Variants in SLC22A23 observed in about 807,000 individuals in gnomAD.
The protein encoded by SLC22A23 is ion transporter protein.
Under a neutral mutation model 61.0 loss-of-function variants are expected in SLC22A23, and 26 were observed. That is an observed-to-expected ratio of 0.43 (90% CI 0.31 to 0.59). SLC22A23 has a LOEUF of 0.59. Among genes scored for constraint, SLC22A23 ranks in the 20% least tolerant of loss-of-function variants. SLC22A23 has a pLI of 0.11. For synonymous variants in SLC22A23, 430 were observed against 413.9 expected, an observed-to-expected ratio of 1.04 and a Z score of -0.47; for missense variants, 796 against 934.7, an observed-to-expected ratio of 0.85 and a Z score of 1.94.
In SLC22A23 at chr6:3,296,874, G is replaced by A. The variant is rs114327754; in HGVS notation, c.1210+1217C>T. 3.2e-3 allele frequency among the ~76,000 whole-genome samples: 482 copies of A among 152,304 alleles called. 7 individuals carry two copies. The highest frequency in any genetic ancestry group is 0.011 in the African/African-American group (460 of 41,558). ...TTCTGAACTGGGAGTCTAACGAGAGGCCTGTCCAGGTACCAAGGGCTTCTC... is the reference window on the plus strand; with the variant it reads ...TTCTGAACTGGGAGTCTAACGAGAGACCTGTCCAGGTACCAAGGGCTTCTC... On this transcript the variant is annotated intron_variant, in intron 5 of 9. Coordinates refer to ENST00000406686, the MANE Select transcript of SLC22A23 (RefSeq NM_015482.2).
chr6:3,314,777 T>A (rs1174810976), intron 4 of SLC22A23, among the ~76,000 whole-genome samples: 6 of 152,154 alleles, frequency 3.9e-5, no homozygotes, highest in Non-Finnish European at 7.4e-5. Flanking sequence ...TTCTAAGGGT[T>A]TCTGCACGGC....
chr6:3,294,706 G>A (rs74687902), intron 5 of SLC22A23, among the ~76,000 whole-genome samples: 2,839 of 152,256 alleles, frequency 0.019, 60 homozygotes, highest in African/African-American at 0.047. Context: ...AGTTGGGCAC[G>A]TTATGTGATA....
chr6:3,346,565 C>T (rs116287608), intron 3 of SLC22A23, among the ~76,000 whole-genome samples: 5,139 of 152,298 alleles, frequency 0.034, 312 homozygotes, highest in African/African-American at 0.12. Flanking sequence ...AGGGCATTCC[C>T]AAGCAGGCAA....
At chr6:3,282,571 G>C (rs1243211732) in intron 9 of SLC22A23, among the ~76,000 whole-genome samples, 2 of 152,234 alleles carry the variant, frequency 1.3e-5, no homozygotes, top group Admixed American at 6.5e-5. Context: ...AGTCTGCCTT[G>C]GACTGGAATA....
At chr6:3,449,519 G>C (rs1428946240) in intron 1 of SLC22A23, among the ~76,000 whole-genome samples, 1 of 152,092 alleles carries the variant, frequency 6.6e-6, no homozygotes, top group African/African-American at 2.4e-5. Flanking sequence ...GAAATGAAGA[G>C]ACTGTTCAAA....
intron 1 of SLC22A23, among the ~76,000 whole-genome samples, chr6:3,421,122 GA>G (rs1030031984): frequency 2.7e-5 from 4 of 147,422 alleles, no homozygotes; most frequent in Admixed American, 1.3e-4. Context: ...AAAAGAAAAG[GA>G]AAAAAAAAGA....
At position 3,285,090 on chromosome 6, in the gene SLC22A23, T is replaced by A; in HGVS notation, c.1568A>T (p.His523Leu). ...LLNLIGKYSQ[H>L]PDSGMSDSVK... ...CGCTTGGGACTCACCTGAGTCTGGG[T>A]GCTGGCTGTACTTTCCAATCACTGG... is the stretch of plus-strand genomic sequence containing the variant. Residue 523 changes from histidine (H) to leucine (L), a missense_variant, in exon 8 of 10, where the codon CAC (histidine) becomes CTC (leucine). His to Leu is a moderately conservative substitution (Grantham distance 99). Transcript: ENST00000406686. 6.2e-7 allele frequency: 1 copy of A among 1,613,356 alleles called. No individual in the cohort carries two copies. The highest frequency in any genetic ancestry group is 8.5e-7 in the Non-Finnish European group (1 of 1,179,654).
chr6:3,332,564 C>A (rs908238870), intron 3 of SLC22A23, among the ~76,000 whole-genome samples: 1 of 151,754 alleles, frequency 6.6e-6, no homozygotes, highest in Non-Finnish European at 1.5e-5. Flanking sequence ...ATATGTTGCC[C>A]TTTTGGTTCT....
intron 1 of SLC22A23, among the ~76,000 whole-genome samples, chr6:3,430,437 T>C (rs1770783767): frequency 6.6e-6 from 1 of 152,016 alleles, no homozygotes; most frequent in African/African-American, 2.4e-5. Flanking sequence ...CTTGTGTAAA[T>C]ACGTTTTCTT....
At chr6:3,313,304 C>T (rs542222924) in intron 4 of SLC22A23, 2 of 152,306 alleles carry the variant, frequency 1.3e-5, no homozygotes, top group South Asian at 4.1e-4. Flanking sequence ...GTCAGTATTA[C>T]CTCATCTATC....
At chr6:3,341,030 C>A (rs1341355241) in intron 3 of SLC22A23, among the ~76,000 whole-genome samples, 1 of 152,194 alleles carries the variant, frequency 6.6e-6, no homozygotes, top group Non-Finnish European at 1.5e-5. Flanking sequence ...TTGAAGGTGG[C>A]CTGCTGTGAA....
intron 4 of SLC22A23, among the ~76,000 whole-genome samples, chr6:3,300,193 T>A (rs1761492945): frequency 6.6e-6 from 1 of 151,904 alleles, no homozygotes; most frequent in Non-Finnish European, 1.5e-5. Flanking sequence ...GTATTTTTAG[T>A]ACAGATGGGG....
In SLC22A23 at chr6:3,448,025, C is replaced by T. The variant is rs537671547; in HGVS notation, c.654+7881G>A. 4.0e-5 allele frequency among the ~76,000 whole-genome samples: 6 copies of T among 151,636 alleles called. 1 individual carries two copies. In the East Asian group the frequency reaches 1.2e-3, roughly 30 times the overall value. On this transcript the variant is annotated intron_variant, in intron 1 of 9. Coordinates refer to ENST00000406686, the MANE Select transcript of SLC22A23 (RefSeq NM_015482.2). ...TCAAGCGATTCTCCTGCCTCAGCCT[C>T]CTGAGTAGCTGGGATTACAGGCACC... is the stretch of plus-strand genomic sequence containing the variant.
rs571070122 is a variant in SLC22A23 at position 3,277,311 on chromosome 6, G to A, written c.1704-3899C>T. Among the ~76,000 whole-genome samples the A allele has an allele frequency of 9.9e-5, 15 of 152,164 alleles. No homozygotes were observed. The South Asian group carries it at 3.1e-3, about 32-fold the overall frequency. ...CCTCCACCCTGGCCTTCCTCTCGGT[G>A]AGGCACCAAGCTCTGCAAACACTGC... On this transcript the variant is annotated intron_variant, in intron 9 of 9. Transcript: ENST00000406686.
chr6:3,283,576 C>T (rs181244223), intron 9 of SLC22A23: 12 of 414,246 alleles, frequency 2.9e-5, no homozygotes, highest in Admixed American at 1.1e-4. Flanking sequence ...CCTTGCCAGA[C>T]GCTCAGACAC....
At chr6:3,392,763 T>C (rs944246340) in intron 3 of SLC22A23, among the ~76,000 whole-genome samples, 6 of 152,080 alleles carry the variant, frequency 3.9e-5, no homozygotes, top group Non-Finnish European at 8.8e-5. Flanking sequence ...GCTCTGAGGA[T>C]GTGGGAGGAA....
chr6:3,288,120 C>T (rs1389218856), intron 6 of SLC22A23, among the ~76,000 whole-genome samples: 1 of 152,200 alleles, frequency 6.6e-6, no homozygotes. Flanking sequence ...CGTGGCTGCA[C>T]CCTCCCACGG....
chr6:3,430,486 G>C (rs114357495), intron 1 of SLC22A23, among the ~76,000 whole-genome samples: 1 of 152,194 alleles, frequency 6.6e-6, no homozygotes, highest in African/African-American at 2.4e-5. Context: ...TTGTGGGCCA[G>C]GCCCCAGGAG....
rs115483308 is a variant in SLC22A23 at position 3,322,119 on chromosome 6, C to T, written c.1082+1715G>A. 0.054 allele frequency among the ~76,000 whole-genome samples: 8,202 copies of T among 152,162 alleles called. 314 individuals carry two copies. Among genetic ancestry groups the T allele is most frequent in the Non-Finnish European group, 0.077 (5,265 of 68,004 alleles). On this transcript the variant is annotated intron_variant, in intron 4 of 9. Coordinates refer to ENST00000406686, the MANE Select transcript of SLC22A23 (RefSeq NM_015482.2). The surrounding 1 kb of genome is among the most constrained non-coding windows in gnomAD (Gnocchi z 4.1). ...GGAGCCAGGTGTGGCAAGAGTTGGC[C>T]GCTTCAGGTCCAGGCTCTGACGTGA...
Sources: allele counts gnomAD v4.1 joint callset (sites outside exome capture counted in the v4.1 genomes callset), GRCh38; gene constraint gnomAD v4.1.1; non-coding constraint Gnocchi (gnomAD v3.1); transcripts MANE v1.5; gene names NCBI Gene and HGNC (gene_info 2026-07-23, HGNC 2026-07-21).